Variants in NRXN1 observed in about 807,000 individuals in gnomAD.
NRXN1 encodes neurexin 1.
Under a neutral mutation model 150.9 loss-of-function variants are expected in NRXN1, and 39 were observed. That is an observed-to-expected ratio of 0.26 (90% CI 0.20 to 0.34). The LOEUF is 0.34. Among genes scored for constraint, NRXN1 ranks in the 10% least tolerant of loss-of-function variants. The pLI, the probability that NRXN1 is intolerant of heterozygous loss-of-function variation, is 1.00. For synonymous variants in NRXN1, 924 were observed against 757.0 expected, an observed-to-expected ratio of 1.22 and a Z score of -3.62; for missense variants, 1,815 against 1,949.9, an observed-to-expected ratio of 0.93 and a Z score of 1.30.
intron 8 of NRXN1, among the ~76,000 whole-genome samples, chr2:50,553,340 A>G (rs1018380684): frequency 1.3e-5 from 2 of 152,352 alleles, no homozygotes; most frequent in Middle Eastern, 3.4e-3. Flanking sequence ...TGTCTACATT[A>G]CCATGCTAAG....
intron 17 of NRXN1, among the ~76,000 whole-genome samples, chr2:50,285,182 C>A (rs948922748): frequency 6.6e-6 from 1 of 152,168 alleles, no homozygotes; most frequent in South Asian, 2.1e-4. Context: ...ATGGTGTGCC[C>A]ACTGAGTGCT....
intron 2 of NRXN1, among the ~76,000 whole-genome samples, chr2:50,930,571 T>C (rs1687590145): frequency 6.6e-6 from 1 of 152,110 alleles, no homozygotes; most frequent in Non-Finnish European, 1.5e-5. Context: ...GAGGAACTAC[T>C]ACAAGGATTT....
At chr2:50,265,744 C>T (rs560029200) in intron 17 of NRXN1, among the ~76,000 whole-genome samples, 9 of 152,010 alleles carry the variant, frequency 5.9e-5, no homozygotes, top group Non-Finnish European at 8.8e-5. Context: ...AGTCATCTTC[C>T]GAGCATATGT....
At chr2:50,457,576 T>C (rs2087701114) in intron 17 of NRXN1, among the ~76,000 whole-genome samples, 1 of 152,026 alleles carries the variant, frequency 6.6e-6, no homozygotes, top group East Asian at 1.9e-4. Context: ...GAAAAAGTAA[T>C]AACCAGAATA....
At chr2:50,896,488 TAAAC>T (rs1200677829) in intron 5 of NRXN1, among the ~76,000 whole-genome samples, 6 of 151,774 alleles carry the variant, frequency 4.0e-5, no homozygotes, top group Admixed American at 3.9e-4. Flanking sequence ...TTCTAAAAAA[TAAAC>T]AAGTAAAAGG....
intron 5 of NRXN1, among the ~76,000 whole-genome samples, chr2:50,906,139 C>T (rs1354728851): frequency 6.6e-6 from 1 of 152,110 alleles, no homozygotes; most frequent in East Asian, 1.9e-4. Flanking sequence ...ACTCTATTCT[C>T]TACCACACTT....
chr2:50,909,712 A>C (rs964318276), intron 5 of NRXN1, among the ~76,000 whole-genome samples: 1 of 151,934 alleles, frequency 6.6e-6, no homozygotes, highest in Non-Finnish European at 1.5e-5. Context: ...AACACACCCA[A>C]AAAGGGAGCT....
At chr2:50,253,676 GT>G (rs2067391095) in intron 17 of NRXN1, among the ~76,000 whole-genome samples, 1 of 152,132 alleles carries the variant, frequency 6.6e-6, no homozygotes, top group Non-Finnish European at 1.5e-5. Context: ...TAATCACATA[GT>G]TTTTGTCTTT....
At chr2:50,874,464 G>C (rs945988353) in intron 5 of NRXN1, among the ~76,000 whole-genome samples, 5 of 151,640 alleles carry the variant, frequency 3.3e-5, no homozygotes, top group African/African-American at 1.2e-4. Context: ...CAAGGAGAAA[G>C]GGGAGACTTC....
At chr2:50,910,876 G>A (rs1428872175) in intron 5 of NRXN1, among the ~76,000 whole-genome samples, 1 of 151,826 alleles carries the variant, frequency 6.6e-6, no homozygotes, top group East Asian at 2.0e-4. Flanking sequence ...AATCAGCCAT[G>A]CCAAATGTGC....
intron 19 of NRXN1, among the ~76,000 whole-genome samples, chr2:50,078,856 G>C (rs1199731347): frequency 2.0e-5 from 3 of 152,024 alleles, no homozygotes; most frequent in Admixed American, 2.0e-4. Flanking sequence ...TTTTTCTGAA[G>C]AAAGTTACTA....
intron 22 of NRXN1, among the ~76,000 whole-genome samples, chr2:49,938,728 G>A (rs1238196345): frequency 1.3e-5 from 2 of 152,130 alleles, no homozygotes; most frequent in African/African-American, 2.4e-5. Context: ...GAAAACAGGA[G>A]GCAGGTCTGG....
chr2:50,414,856 A>T (rs2083430251), intron 17 of NRXN1, among the ~76,000 whole-genome samples: 1 of 152,174 alleles, frequency 6.6e-6, no homozygotes, highest in African/African-American at 2.4e-5. Flanking sequence ...AACTGTAAAA[A>T]TTGAGAAGGG....
chr2:50,749,175 AT>A (rs1700319757), intron 5 of NRXN1, among the ~76,000 whole-genome samples: 1 of 152,062 alleles, frequency 6.6e-6, no homozygotes, highest in African/African-American at 2.4e-5. Flanking sequence ...TATACATCAG[AT>A]TTTTTAAATG....
chr2:50,938,643 G>A (rs1170657909), intron 2 of NRXN1, among the ~76,000 whole-genome samples: 1 of 152,108 alleles, frequency 6.6e-6, no homozygotes, highest in African/African-American at 2.4e-5. Flanking sequence ...AATTCATAAA[G>A]AGTTTAAATT....
At chr2:50,905,964 A>G (rs899183941) in intron 5 of NRXN1, among the ~76,000 whole-genome samples, 1 of 152,146 alleles carries the variant, frequency 6.6e-6, no homozygotes, top group African/African-American at 2.4e-5. Flanking sequence ...GCAAGGCACT[A>G]GACTAAGTTT....
chr2:50,059,942 C>G, intron 19 of NRXN1, among the ~76,000 whole-genome samples: 1 of 152,218 alleles, frequency 6.6e-6, no homozygotes, highest in East Asian at 1.9e-4. Context: ...TCATGGAGAA[C>G]TTCTGCTAGG....
At chr2:50,288,217 T>C (rs1266411390) in intron 17 of NRXN1, among the ~76,000 whole-genome samples, 1 of 152,102 alleles carries the variant, frequency 6.6e-6, no homozygotes, top group Non-Finnish European at 1.5e-5. Context: ...GCAGTGGTTG[T>C]CAATTGGAGA....
chr2:50,942,580 A>T (rs1689631290), intron 2 of NRXN1, among the ~76,000 whole-genome samples: 1 of 152,146 alleles, frequency 6.6e-6, no homozygotes, highest in South Asian at 2.1e-4. Context: ...AGGGGAGATT[A>T]TTTTGGAGCT....
Sources: gnomAD v4.1 joint callset for allele counts (sites outside exome capture counted in the v4.1 genomes callset) on GRCh38, gnomAD v4.1.1 for gene constraint, MANE v1.5 for transcripts, NCBI Gene and HGNC (gene_info 2026-07-23, HGNC 2026-07-21) for gene names.